Variants in ASXL2 observed in about 807,000 individuals in gnomAD.
ASXL2 encodes putative Polycomb group protein ASXL2.
Under a neutral mutation model 122.0 loss-of-function variants are expected in ASXL2, and 23 were observed. The observed-to-expected ratio is 0.19, with a 90% CI of 0.14 to 0.27. ASXL2 has a LOEUF of 0.27. Ranked by LOEUF, ASXL2 falls within the 10% of genes least tolerant of loss-of-function variation. ASXL2 has a pLI of 1.00. For missense variants in ASXL2, 1,518 were observed against 1,713.8 expected, an observed-to-expected ratio of 0.89 and a Z score of 2.02; for synonymous variants, 650 against 637.0, an observed-to-expected ratio of 1.02 and a Z score of -0.31.
chr2:25,777,297 T>A (rs373181590), intron 5 of ASXL2, among the ~76,000 whole-genome samples: 21 of 152,186 alleles, frequency 1.4e-4, no homozygotes, highest in African/African-American at 4.3e-4. Context: ...TGCTATGTTG[T>A]CCAGGCTTGT....
chr2:25,813,129 A>C (rs1574429386), intron 3 of ASXL2, among the ~76,000 whole-genome samples: 1 of 152,306 alleles, frequency 6.6e-6, no homozygotes, highest in East Asian at 1.9e-4. Flanking sequence ...ATTCAGTTCC[A>C]ATATTAAGTA....
chr2:25,772,853 T>C (rs1031558300), intron 5 of ASXL2, among the ~76,000 whole-genome samples: 4 of 151,884 alleles, frequency 2.6e-5, no homozygotes, highest in African/African-American at 7.3e-5. Context: ...TCAATTTACT[T>C]AGATGTCCTA....
intron 1 of ASXL2, among the ~76,000 whole-genome samples, chr2:25,877,565 T>A (rs895467734): frequency 1.3e-5 from 2 of 151,232 alleles, no homozygotes; most frequent in African/African-American, 2.4e-5. Context: ...AAAAAAAAAA[T>A]TCTACAAGTC....
intron 8 of ASXL2, among the ~76,000 whole-genome samples, chr2:25,761,264 G>A (rs1450416163): frequency 1.3e-5 from 2 of 152,274 alleles, no homozygotes; most frequent in Admixed American, 6.5e-5. Context: ...GAAGTGGAAC[G>A]TATTCCAAAG....
intron 1 of ASXL2, among the ~76,000 whole-genome samples, chr2:25,849,790 C>CAG (rs1435986144): frequency 1.3e-5 from 2 of 152,120 alleles, no homozygotes; most frequent in African/African-American, 4.8e-5. Flanking sequence ...CCACCTGCCT[C>CAG]AGCCTCCCAA....
intron 3 of ASXL2, among the ~76,000 whole-genome samples, chr2:25,829,839 T>C (rs1007280760): frequency 7.2e-5 from 11 of 152,158 alleles, no homozygotes; most frequent in African/African-American, 2.2e-4. Context: ...CCAGGAAGCC[T>C]CTTTGTCCTT....
Position 25,768,855 on chromosome 2 carries a change from T to C in ASXL2, c.518A>G (p.Gln173Arg). The C allele has an allele frequency of 1.2e-6, 2 of 1,613,684 alleles. No homozygotes were observed. Among genetic ancestry groups the C allele is most frequent in the Non-Finnish European group, 1.7e-6 (2 of 1,179,656 alleles). The change falls in exon 7 of 13, where the codon CAA becomes CGA. Residue 173 changes from glutamine (Q) to arginine (R), a missense_variant. Physicochemically the swap from Gln to Arg is conservative, Grantham distance 43. This residue lies in a region of ASXL2 where 198 missense variants were observed against 209.0 expected (regional missense o/e 0.95). Transcript: ENST00000435504. ...TTGCTGCTGCTGCTTCTTCTGCTGTTGCTGCTTTAGCGCCTATAAAGATAA... is the reference window on the plus strand; with the variant it reads ...TTGCTGCTGCTGCTTCTTCTGCTGTCGCTGCTTTAGCGCCTATAAAGATAA... ...KKALKQALKQ[Q>R]QQKKQQQQCR...
intron 5 of ASXL2, among the ~76,000 whole-genome samples, chr2:25,777,234 T>G (rs1281092771): frequency 6.6e-6 from 1 of 152,114 alleles, no homozygotes; most frequent in Non-Finnish European, 1.5e-5. Context: ...ACCACAGGTA[T>G]GTGTTATCAC....
At chr2:25,839,765 G>A in intron 2 of ASXL2, among the ~76,000 whole-genome samples, 1 of 150,988 alleles carries the variant, frequency 6.6e-6, no homozygotes, top group East Asian at 1.9e-4. Context: ...TTGGGAGGCT[G>A]GAGTTTGAAT....
At chr2:25,749,638 G>A (rs1045475462) in intron 12 of ASXL2, 58 bp downstream of exon 12, 3 of 1,376,756 alleles carry the variant, frequency 2.2e-6, no homozygotes, top group Admixed American at 6.2e-5. Flanking sequence ...TAGTAGGTAT[G>A]ACCAAAAACA....
chr2:25,827,335 G>A (rs1465411819), intron 3 of ASXL2, among the ~76,000 whole-genome samples: 1 of 152,002 alleles, frequency 6.6e-6, no homozygotes. Context: ...TTTACAAACA[G>A]AAAACACAGA....
chr2:25,790,810 T>TC (rs2149166872), intron 5 of ASXL2, among the ~76,000 whole-genome samples: 1 of 147,432 alleles, frequency 6.8e-6, no homozygotes, highest in East Asian at 1.9e-4. Context: ...CTTTTTTTTT[T>TC]TTTTTTTTTT....
intron 5 of ASXL2, among the ~76,000 whole-genome samples, chr2:25,792,771 A>G (rs2088855027): frequency 6.6e-6 from 1 of 151,416 alleles, no homozygotes; most frequent in East Asian, 2.0e-4. Context: ...ACACCCAGCT[A>G]ATTTTTGTAT....
intron 8 of ASXL2, among the ~76,000 whole-genome samples, chr2:25,767,045 G>A (rs2088366053): frequency 6.6e-6 from 1 of 152,064 alleles, no homozygotes; most frequent in Non-Finnish European, 1.5e-5. Context: ...AAAATTTGCT[G>A]ACATCTCTTG....
intron 4 of ASXL2, among the ~76,000 whole-genome samples, chr2:25,803,413 A>G (rs2089029671): frequency 6.6e-6 from 1 of 152,236 alleles, no homozygotes; most frequent in African/African-American, 2.4e-5. Context: ...CCAGACAGTC[A>G]GAAGTACAGG....
At chr2:25,751,831 G>T (rs1370682230) in intron 11 of ASXL2, among the ~76,000 whole-genome samples, 4 of 151,880 alleles carry the variant, frequency 2.6e-5, no homozygotes, top group African/African-American at 9.7e-5. Context: ...GCCCAGGCTG[G>T]AGTGCAATGG....
intron 2 of ASXL2, chr2:25,845,225 G>A: frequency 4.1e-6 from 2 of 486,046 alleles, no homozygotes; most frequent in Non-Finnish European, 7.8e-6. Flanking sequence ...GATGGCTCCA[G>A]GTCTTCCTAA....
In ASXL2 at chr2:25,785,938, A is replaced by G. The variant is rs549346793; in HGVS notation, c.403+13447T>C. Among the ~76,000 whole-genome samples the G allele has an allele frequency of 7.9e-5, 12 of 152,338 alleles. 1 individual carries two copies. Among genetic ancestry groups the G allele is most frequent in the African/African-American group, 2.9e-4 (12 of 41,580 alleles). On this transcript the variant is annotated intron_variant, in intron 5 of 12. Coordinates refer to ENST00000435504, the MANE Select transcript of ASXL2 (RefSeq NM_018263.6). The stretch of plus-strand genomic sequence containing the variant: ...GATACCAAATTTTAACAGGGACATT[A>G]TATGGGGAAAACATGCAGGCAAACC...
At chr2:25,783,101 C>T (rs2088673529) in intron 5 of ASXL2, among the ~76,000 whole-genome samples, 1 of 151,942 alleles carries the variant, frequency 6.6e-6, no homozygotes, top group Admixed American at 6.6e-5. Flanking sequence ...TGCACTCCAG[C>T]CTGGGGGACA....
Sources: gnomAD v4.1 joint callset for allele counts (sites outside exome capture counted in the v4.1 genomes callset) on GRCh38, gnomAD v4.1.1 for gene constraint, gnomAD v4.1.1 regional missense constraint, MANE v1.5 for transcripts, NCBI Gene and HGNC (gene_info 2026-07-23, HGNC 2026-07-21) for gene names.